PAK1: variants seen among roughly 807,000 people sequenced by gnomAD.
The protein encoded by PAK1 is serine/threonine-protein kinase PAK 1.
A neutral mutation model predicts 67.4 loss-of-function variants in PAK1; 29 were observed. The ratio of observed to expected loss-of-function variants is 0.43; its 90% CI spans 0.32 to 0.59. PAK1 has a LOEUF of 0.59. PAK1 is among the 20% of genes least tolerant of loss of function. The pLI, the probability that PAK1 is intolerant of heterozygous loss-of-function variation, is 0.07. For missense variants in PAK1, 337 were observed against 670.7 expected (o/e 0.50, Z 5.50); for synonymous variants, 223 against 237.4 (o/e 0.94, Z 0.56).
chr11:77,331,399 C>G (rs1051019029), intron 14 of PAK1, among the ~76,000 whole-genome samples: 1 of 152,072 alleles, frequency 6.6e-6, no homozygotes, highest in Non-Finnish European at 1.5e-5. Flanking sequence ...TGTCCAACAA[C>G]GATAGACTGG....
intron 1 of PAK1, among the ~76,000 whole-genome samples, chr11:77,434,870 C>T (rs557724049): frequency 6.6e-6 from 1 of 152,182 alleles, no homozygotes; most frequent in South Asian, 2.1e-4. Context: ...CTGCCTACCT[C>T]GGCCTCTCAA....
intron 1 of PAK1, among the ~76,000 whole-genome samples, chr11:77,471,395 A>T (rs76023552): frequency 6.6e-6 from 1 of 152,256 alleles, no homozygotes; most frequent in Admixed American, 6.5e-5. Context: ...AGACAGGCAC[A>T]AACTCAAGTA....
At chr11:77,513,317 T>C in the PAK1 span, among the ~76,000 whole-genome samples, 1 of 152,172 alleles carries the variant, frequency 6.6e-6, no homozygotes, top group African/African-American at 2.4e-5. Context: ...TATATCTTAG[T>C]TGATATTACC....
intron 13 of PAK1, among the ~76,000 whole-genome samples, chr11:77,334,092 C>G (rs546903076): frequency 6.6e-6 from 1 of 151,950 alleles, no homozygotes; most frequent in South Asian, 2.1e-4. Flanking sequence ...TCGCTTGAAC[C>G]TGGGAGGTGG....
intron 6 of PAK1, 75 bp downstream of exon 6, chr11:77,358,823 G>A: frequency 3.5e-6 from 5 of 1,447,030 alleles, no homozygotes; most frequent in African/African-American, 2.8e-5. Flanking sequence ...AAACTTCTAG[G>A]TATCAGCACC....
chr11:77,363,767 A>G (rs1157603453), intron 5 of PAK1, among the ~76,000 whole-genome samples: 4 of 152,244 alleles, frequency 2.6e-5, no homozygotes. Flanking sequence ...TCTGGACAAA[A>G]TTGACAAAAA....
the PAK1 span, among the ~76,000 whole-genome samples, chr11:77,495,972 G>A: frequency 6.6e-6 from 1 of 152,032 alleles, no homozygotes; most frequent in Middle Eastern, 3.4e-3. Context: ...GATGGTAGTG[G>A]TAGTTGCACA....
chr11:77,353,137 G>C (rs536491612), intron 8 of PAK1: 89 of 164,788 alleles, frequency 5.4e-4, no homozygotes, highest in Non-Finnish European at 1.0e-3. Flanking sequence ...CATCTACCTA[G>C]AAAAACAGGT....
intron 1 of PAK1, among the ~76,000 whole-genome samples, chr11:77,404,972 T>G (rs997627042): frequency 3.3e-5 from 5 of 152,120 alleles, no homozygotes; most frequent in African/African-American, 1.2e-4. Flanking sequence ...CACGTGTATG[T>G]GTGAATATGA....
At chr11:77,392,581 T>C in intron 1 of PAK1, 40 bp from the exon 2 acceptor site, 1 of 1,464,968 alleles carries the variant, frequency 6.8e-7, no homozygotes, top group Non-Finnish European at 9.2e-7. Flanking sequence ...CTTTTATTAT[T>C]TTTGACCAAA....
the PAK1 span, among the ~76,000 whole-genome samples, chr11:77,526,240 A>G: frequency 6.6e-6 from 1 of 152,246 alleles, no homozygotes; most frequent in African/African-American, 2.4e-5. Context: ...GAGAAGTGGT[A>G]CCCAGAAAGA....
At chr11:77,452,795 C>A (rs1184102808) in intron 1 of PAK1, among the ~76,000 whole-genome samples, 3 of 152,114 alleles carry the variant, frequency 2.0e-5, no homozygotes, top group African/African-American at 7.2e-5. Context: ...AATAACAAGC[C>A]AAGTAGGAGT....
intron 1 of PAK1, among the ~76,000 whole-genome samples, chr11:77,422,882 A>G (rs533203748): frequency 6.6e-6 from 1 of 152,158 alleles, no homozygotes; most frequent in East Asian, 1.9e-4. Flanking sequence ...CCTTGAGGTC[A>G]TAAGTACAAG....
chr11:77,332,916 C>G (rs1941961199), intron 13 of PAK1, 49 bp from the exon 14 acceptor site: 1 of 1,582,386 alleles, frequency 6.3e-7, no homozygotes, highest in Non-Finnish European at 8.7e-7. Flanking sequence ...GAGGCTCTCT[C>G]TTGTTCCCCA....
intron 1 of PAK1, among the ~76,000 whole-genome samples, chr11:77,398,005 A>G (rs755529076): frequency 1.3e-5 from 2 of 152,228 alleles, no homozygotes; most frequent in Non-Finnish European, 1.5e-5. Context: ...GTAGTTGTAT[A>G]TATTTATGGA....
chr11:77,485,245 G>C, the PAK1 span, among the ~76,000 whole-genome samples: 1 of 152,122 alleles, frequency 6.6e-6, no homozygotes, highest in African/African-American at 2.4e-5. Flanking sequence ...ATAAGCTCTA[G>C]TATTTGATAC....
the PAK1 span, among the ~76,000 whole-genome samples, chr11:77,492,437 A>T: frequency 6.6e-6 from 1 of 152,136 alleles, no homozygotes; most frequent in Non-Finnish European, 1.5e-5. Context: ...TGACCCATAA[A>T]AGGAATTAAT....
intron 1 of PAK1, among the ~76,000 whole-genome samples, chr11:77,437,539 C>T (rs1223770339): frequency 6.6e-6 from 1 of 152,158 alleles, no homozygotes; most frequent in Non-Finnish European, 1.5e-5. Flanking sequence ...GTTGATTTTG[C>T]CTTCCAGGTG....
At chr11:77,491,148 T>C in the PAK1 span, among the ~76,000 whole-genome samples, 1 of 131,106 alleles carries the variant, frequency 7.6e-6, no homozygotes, top group East Asian at 2.3e-4. Context: ...AAAAAAAAAA[T>C]TAAAGAGACA....
Sources: gnomAD v4.1 joint callset for allele counts (sites outside exome capture counted in the v4.1 genomes callset) on GRCh38, gnomAD v4.1.1 for gene constraint, MANE v1.5 for transcripts, NCBI Gene and HGNC (gene_info 2026-07-23, HGNC 2026-07-21) for gene names.